UBA5: variants seen among roughly 807,000 people sequenced by gnomAD.
The protein encoded by UBA5 is ubiquitin like modifier activating enzyme 5, also known as ubiquitin-like modifier-activating enzyme 5.
A neutral mutation model predicts 52.9 loss-of-function variants in UBA5; 28 were observed. The ratio of observed to expected loss-of-function variants is 0.53; its 90% CI spans 0.39 to 0.73. The LOEUF is 0.73. Among genes scored for constraint, UBA5 ranks in the 30% least tolerant of loss-of-function variants. The pLI is 0.00. For missense variants in UBA5, 388 were observed against 492.7 expected (o/e 0.79, Z 2.01); for synonymous variants, 135 against 162.1 (o/e 0.83, Z 1.27).
Position 132,676,555 on chromosome 3 carries a change from C to G in UBA5, c.*29C>G, listed in dbSNP as rs750272549. 3.3e-6 allele frequency: 5 copies of G among 1,516,298 alleles called. No individual in the cohort carries two copies. The East Asian group carries it at 1.1e-4, about 34-fold the overall frequency. The allele number at this position is 1,516,298 out of a possible 1,614,324, so 93.9% of individuals were successfully genotyped here. A position where few individuals can be genotyped will look rare whatever the true frequency, so the allele number is the denominator to read the frequency against. ...ATGGACTGGGATATATTGTATTTCT[C>G]ATGTTAAAGCCTCTTCCCTTGAAAT... On this transcript the variant is annotated 3_prime_UTR_variant, in exon 12 of 12. Coordinates refer to ENST00000356232, the MANE Select transcript of UBA5 (RefSeq NM_024818.6). This position sits in a 1 kb window ranked among gnomAD's most constrained non-coding sequence, Gnocchi z 4.1.
intron 1 of UBA5, 130 bp from the exon 2 acceptor site, chr3:132,665,693 C>A: frequency 2.2e-6 from 2 of 896,002 alleles, no homozygotes; most frequent in Non-Finnish European, 3.4e-6. Context: ...AGCCTGTAAG[C>A]ATCCTCCTCT....
At chr3:132,656,848 T>C (rs2107912129), upstream of UBA5, among the ~76,000 whole-genome samples, 1 of 143,418 alleles carries the variant, frequency 7.0e-6, no homozygotes. Flanking sequence ...CTCATTGTGT[T>C]GTTTTTTTTT....
intron 4 of UBA5, among the ~76,000 whole-genome samples, 166 bp from the exon 5 acceptor site, chr3:132,670,032 C>CA (rs2107939381): frequency 6.6e-6 from 1 of 152,174 alleles, no homozygotes; most frequent in South Asian, 2.1e-4. Flanking sequence ...TTTTTAAAAA[C>CA]ATTTTTTTAG....
chr3:132,665,874 A>C lies in UBA5; in HGVS notation c.207+6A>C, dbSNP rs759157155. 3.5e-5 allele frequency: 57 copies of C among 1,613,352 alleles called. No individual in the cohort carries two copies. Among genetic ancestry groups the C allele is most frequent in the Admixed American group, 6.7e-5 (4 of 59,962 alleles). Reference sequence around the variant, plus strand: ...GAATTGTAAGCGACTATGAGGTATGATAAACCCTTTCCAAGTTTTTGTAAG... The same window carrying C: ...GAATTGTAAGCGACTATGAGGTATGCTAAACCCTTTCCAAGTTTTTGTAAG... On this transcript the variant is annotated splice_donor_region_variant and intron_variant, in intron 2 of 11. Coordinates refer to ENST00000356232, the MANE Select transcript of UBA5 (RefSeq NM_024818.6).
chr3:132,675,612 T>C lies in UBA5; in HGVS notation c.956T>C (p.Val319Ala). The change falls in exon 10 of 12, where the codon GTA becomes GCA. Residue 319 changes from valine (V) to alanine (A), a missense_variant. Coordinates refer to ENST00000356232, the MANE Select transcript of UBA5 (RefSeq NM_024818.6). ...GCTGTTTGATTTCTACAGAAAAAGGTAGCAGCACTGCCTAAACAAGAGGTT... is the reference window on the plus strand; with the variant it reads ...GCTGTTTGATTTCTACAGAAAAAGGCAGCAGCACTGCCTAAACAAGAGGTT... Reference protein sequence around the residue: ...RKQQEEYKKKVAALPKQEVIQ... With the variant: ...RKQQEEYKKKAAALPKQEVIQ... 6.2e-7 allele frequency: 1 copy of C among 1,612,030 alleles called. No homozygotes were observed. The highest frequency in any genetic ancestry group is 8.5e-7 in the Non-Finnish European group (1 of 1,179,028).
At chr3:132,675,548 A>G in intron 9 of UBA5, 57 bp from the exon 10 acceptor site, 1 of 1,545,890 alleles carries the variant, frequency 6.5e-7, no homozygotes, top group Non-Finnish European at 8.8e-7. Context: ...TTCTTGATTA[A>G]TGCTTTAGAG....
At chr3:132,658,114 C>T (rs138036095), upstream of UBA5, among the ~76,000 whole-genome samples, 108 of 152,210 alleles carry the variant, frequency 7.1e-4, 1 homozygote, top group African/African-American at 2.0e-3. Context: ...CCACGTGCCT[C>T]GGCCTCCCAA....
intron 8 of UBA5, among the ~76,000 whole-genome samples, chr3:132,673,403 A>G (rs1938690096): frequency 2.6e-5 from 4 of 152,088 alleles, no homozygotes; most frequent in South Asian, 2.1e-4. Context: ...GCTGAAGTTC[A>G]GTGGCTCAGT....
rs189743164 is a variant in UBA5 at position 132,676,653 on chromosome 3, T to A, written c.*127T>A. ...TATATTCTTACCTGAATTGTTATAC[T>A]TTTTGAAAATCCTGTGACTTGCCTG... On this transcript the variant is annotated 3_prime_UTR_variant, in exon 12 of 12. Transcript: ENST00000356232. The surrounding 1 kb of genome is among the most constrained non-coding windows in gnomAD (Gnocchi z 4.1). 14 of 684,746 alleles carry A rather than the reference T, an allele frequency of 2.0e-5. No homozygotes were observed. In the African/African-American group the frequency reaches 2.5e-4, roughly 12 times the overall value. The allele number at this position is 684,746 out of a possible 1,614,324, so 42.4% of individuals were successfully genotyped here.
At chr3:132,655,808 C>T (rs143851861), upstream of UBA5, among the ~76,000 whole-genome samples, 240 of 152,326 alleles carry the variant, frequency 1.6e-3, 3 homozygotes, top group East Asian at 0.019. Flanking sequence ...ATATTAGGCA[C>T]TCAGCTGCAA....
rs1938963025 is a variant in UBA5 at position 132,679,442 on chromosome 3, A to G, written c.*2916A>G. 6.6e-6 allele frequency among the ~76,000 whole-genome samples: 1 copy of G among 152,170 alleles called. No homozygotes were observed. The highest frequency in any genetic ancestry group is 2.4e-5 in the African/African-American group (1 of 41,446). On this transcript the variant is annotated 3_prime_UTR_variant, in exon 12 of 12. Transcript: ENST00000356232. ...ATGCATACACAAAGATGTTCCAGCT[A>G]TTTTTATCTTCTTAAGTATGCATTC...
In UBA5 at chr3:132,677,147, G is replaced by A. The variant is rs1217282516; in HGVS notation, c.*621G>A. On this transcript the variant is annotated 3_prime_UTR_variant, in exon 12 of 12. Transcript: ENST00000356232. ...AACCTGTGGATCATATATATTCAAA[G>A]TGAGACAAAGGCAAATAAAAAGCAG... 2 of 202,934 alleles carry A rather than the reference G, an allele frequency of 9.9e-6. No individual in the cohort carries two copies. The highest frequency in any genetic ancestry group is 4.6e-5 in the African/African-American group (2 of 43,464). 12.6% of individuals were successfully genotyped at this position (202,934 alleles called of 1,614,324 possible).
At chr3:132,665,560 G>A (rs2107931246) in intron 1 of UBA5, among the ~76,000 whole-genome samples, 1 of 152,178 alleles carries the variant, frequency 6.6e-6, no homozygotes, top group Non-Finnish European at 1.5e-5. Context: ...TTAAGTAGTA[G>A]TCGCAATCTT....
Position 132,665,806 on chromosome 3 carries a change from T to C in UBA5, c.162-17T>C, listed in dbSNP as rs746175051. ...AAAAGACTGTAAGCTTTAAAACATA[T>C]TTTTCTTTGTTTTAAGCCGCTTGAT... On this transcript the variant is annotated splice_polypyrimidine_tract_variant and intron_variant, in intron 1 of 11. Coordinates refer to ENST00000356232, the MANE Select transcript of UBA5 (RefSeq NM_024818.6). The C allele has an allele frequency of 9.3e-6, 15 of 1,611,704 alleles. No homozygotes were observed. In the Admixed American group the frequency reaches 1.0e-4, roughly 11 times the overall value.
At chr3:132,665,711 G>T in intron 1 of UBA5, 112 bp from the exon 2 acceptor site, 1 of 1,062,814 alleles carries the variant, frequency 9.4e-7, no homozygotes. Flanking sequence ...TCTTTGAAAC[G>T]ATTAGTAATG....
chr3:132,671,285 CTA>C (rs1938589583), intron 6 of UBA5, among the ~76,000 whole-genome samples: 1 of 152,146 alleles, frequency 6.6e-6, no homozygotes, highest in Non-Finnish European at 1.5e-5. Flanking sequence ...TGCTGGTAAA[CTA>C]TAAAACAGCA....
intron 6 of UBA5, 86 bp downstream of exon 6, chr3:132,671,135 A>G: frequency 8.7e-7 from 1 of 1,155,410 alleles, no homozygotes; most frequent in South Asian, 1.3e-5. Context: ...CATCCTAAAA[A>G]CAGTTCTGAA....
chr3:132,664,667 A>T lies in UBA5; in HGVS notation c.162-1156A>T, dbSNP rs566809086. On this transcript the variant is annotated intron_variant, in intron 1 of 11. Coordinates refer to ENST00000356232, the MANE Select transcript of UBA5 (RefSeq NM_024818.6). ...AAATTCTCAGGTGGTCCTGTTGTTG[A>T]TCCATAGACACTTTAGAACTAGTGA... Among the ~76,000 whole-genome samples, 15 of 152,216 alleles carry T rather than the reference A, an allele frequency of 9.9e-5. No individual in the cohort carries two copies. In the South Asian group the frequency reaches 3.1e-3, roughly 32 times the overall value.
Position 132,669,089 on chromosome 3 carries a change from G to A in UBA5, c.407+162G>A, listed in dbSNP as rs112465172. Among the ~76,000 whole-genome samples the A allele has an allele frequency of 1.2e-3, 184 of 152,172 alleles. 1 individual carries two copies. Among genetic ancestry groups the A allele is most frequent in the African/African-American group, 3.8e-3 (158 of 41,532 alleles). The stretch of plus-strand genomic sequence containing the variant: ...GGACATGGGTTGGCAAACTTTTTAT[G>A]TATAGGTTAGATAATAAATATTTTA... On this transcript the variant is annotated intron_variant, in intron 4 of 11. Coordinates refer to ENST00000356232, the MANE Select transcript of UBA5 (RefSeq NM_024818.6).
Sources: gnomAD v4.1 joint callset for allele counts (sites outside exome capture counted in the v4.1 genomes callset) on GRCh38, gnomAD v4.1.1 for gene constraint, Gnocchi (gnomAD v3.1) non-coding constraint, MANE v1.5 for transcripts, NCBI Gene and HGNC (gene_info 2026-07-23, HGNC 2026-07-21) for gene names.